The following PTGER4 variants were observed in gnomAD, a reference collection of about 807,000 sequenced individuals.
PTGER4 encodes prostaglandin E receptor 4.
A neutral mutation model predicts 33.2 loss-of-function variants in PTGER4; 11 were observed. The ratio of observed to expected loss-of-function variants is 0.33; its 90% confidence interval spans 0.21 to 0.55. The LOEUF (loss-of-function observed/expected upper bound fraction) is 0.55, where lower values mean the gene tolerates loss of function less well. Ranked by LOEUF, PTGER4 falls within the 20% of genes least tolerant of loss-of-function variation. The pLI is 0.92. For synonymous variants in PTGER4, 275 were observed against 281.5 expected (o/e 0.98, Z 0.23); for missense variants, 481 against 650.2 (o/e 0.74, Z 2.83).
chr5:40,709,507 C>T, the PTGER4 span, among the ~76,000 whole-genome samples: 1 of 152,088 alleles, frequency 6.6e-6, no homozygotes, highest in African/African-American at 2.4e-5. Flanking sequence ...AAGAGAACTA[C>T]AAACCACTGC....
chr5:40,681,617 C>G lies in PTGER4; in HGVS notation c.624C>G (p.Gly208=), dbSNP rs749203328. The G allele has an allele frequency of 4.4e-6, 7 of 1,605,586 alleles. No individual in the cohort carries two copies. In the South Asian group the frequency reaches 7.7e-5, roughly 18 times the overall value. The change falls in exon 2 of 3, where the codon GGC becomes GGG. Residue 208 remains glycine, a synonymous_variant. Coordinates refer to ENST00000302472, the MANE Select transcript of PTGER4 (RefSeq NM_000958.3). The surrounding 1 kb of genome is among the most constrained non-coding windows in gnomAD (Gnocchi z 9.8). ...ATVLCNVLVC[G]ALLRMHRQFM... is the part of the protein sequence containing the mutation. Reference sequence around the variant, plus strand: ...TCCTCTGCAACGTGCTTGTGTGCGGCGCGCTGCTCCGCATGCACCGCCAGT... The same window carrying G: ...TCCTCTGCAACGTGCTTGTGTGCGGGGCGCTGCTCCGCATGCACCGCCAGT...
At chr5:40,716,730 A>G in the PTGER4 span, among the ~76,000 whole-genome samples, 2 of 152,212 alleles carry the variant, frequency 1.3e-5, no homozygotes, top group East Asian at 3.8e-4. Flanking sequence ...AAAAGCCATT[A>G]AAATGGGAGT....
the PTGER4 span, chr5:40,716,102 G>A: frequency 2.0e-6 from 3 of 1,473,558 alleles, no homozygotes; most frequent in South Asian, 2.8e-5. Context: ...AACTTCAAGA[G>A]GCAATCAAAA....
chr5:40,687,245 A>G (rs1289970202), intron 2 of PTGER4, among the ~76,000 whole-genome samples: 2 of 152,030 alleles, frequency 1.3e-5, no homozygotes, highest in Non-Finnish European at 2.9e-5. Flanking sequence ...GGGTTTCTCC[A>G]TGTTAGTCAG....
the PTGER4 span, among the ~76,000 whole-genome samples, chr5:40,725,784 C>CTTTTT: frequency 2.4e-5 from 3 of 126,062 alleles, no homozygotes; most frequent in Admixed American, 8.1e-5. Flanking sequence ...TTCTCTTCAG[C>CTTTTT]TTTTTTTTTT....
the PTGER4 span, among the ~76,000 whole-genome samples, chr5:40,702,646 G>T: frequency 6.6e-6 from 1 of 152,212 alleles, no homozygotes; most frequent in Non-Finnish European, 1.5e-5. Context: ...CCTAAATTCA[G>T]CACTGGACCA....
the PTGER4 span, among the ~76,000 whole-genome samples, chr5:40,702,054 C>T: frequency 6.6e-6 from 1 of 152,178 alleles, no homozygotes; most frequent in Non-Finnish European, 1.5e-5. Flanking sequence ...AAAGGAAAGA[C>T]CTCTAGCAGC....
At chr5:40,712,425 A>T in the PTGER4 span, among the ~76,000 whole-genome samples, 1 of 152,162 alleles carries the variant, frequency 6.6e-6, no homozygotes, top group Non-Finnish European at 1.5e-5. Flanking sequence ...GAACCACTTG[A>T]GACACAGACA....
chr5:40,697,593 AC>A (rs150087806), downstream of PTGER4, among the ~76,000 whole-genome samples: 25,369 of 124,354 alleles, frequency 0.2, 3,045 homozygotes, highest in East Asian at 0.51. Flanking sequence ...CAAAAAAAAA[AC>A]AAAAAAACAA....
the PTGER4 span, among the ~76,000 whole-genome samples, chr5:40,709,894 T>C: frequency 1.3e-5 from 2 of 152,222 alleles, no homozygotes; most frequent in African/African-American, 4.8e-5. Flanking sequence ...TGAAACTGGA[T>C]CCCTTCCTTA....
At chr5:40,701,614 G>T in the PTGER4 span, among the ~76,000 whole-genome samples, 1 of 152,144 alleles carries the variant, frequency 6.6e-6, no homozygotes, top group South Asian at 2.1e-4. Context: ...TATATTTCAG[G>T]ATATCATCTA....
intron 2 of PTGER4, chr5:40,685,472 C>T: frequency 1.0e-6 from 1 of 984,926 alleles, no homozygotes; most frequent in Non-Finnish European, 1.2e-6. Context: ...AAGAGAAATG[C>T]CACAAATTTG....
Position 40,681,929 on chromosome 5 carries a change from T to C in PTGER4, c.867+69T>C. The C allele has an allele frequency of 1.4e-6, 2 of 1,450,238 alleles. No individual in the cohort carries two copies. The highest frequency in any genetic ancestry group is 1.8e-6 in the Non-Finnish European group (2 of 1,098,226). The allele number at this position is 1,450,238 out of a possible 1,614,324, so 89.8% of individuals were successfully genotyped here. A position where few individuals can be genotyped will look rare whatever the true frequency, so the allele number is the denominator to read the frequency against. On this transcript the variant is annotated intron_variant, in intron 2 of 2. Transcript: ENST00000302472. This position sits in a 1 kb window ranked among gnomAD's most constrained non-coding sequence, Gnocchi z 9.8. ...TCCACCTCCCGCGTCCATTCCCCGC[T>C]CCCTGCTTTCCCTCTGAGTCCTTGG...
At chr5:40,732,472 C>CATTT in the PTGER4 span, among the ~76,000 whole-genome samples, 18 of 151,642 alleles carry the variant, frequency 1.2e-4, no homozygotes, top group Admixed American at 2.0e-4. Flanking sequence ...GTATGCCTCC[C>CATTT]ATTTAGTTCT....
chr5:40,723,491 TAAATA>T, the PTGER4 span, among the ~76,000 whole-genome samples: 2 of 143,928 alleles, frequency 1.4e-5, no homozygotes, highest in East Asian at 2.1e-4. Context: ...GTTTAACAAT[TAAATA>T]AAAGCTAACT....
Position 40,692,064 on chromosome 5 carries a change from C to T in PTGER4, c.1153C>T (p.Leu385=). Residue 385 remains leucine (L), a synonymous_variant, in exon 3 of 3, where the codon CTG becomes TTG. Transcript: ENST00000302472. The stretch of plus-strand genomic sequence containing the variant: ...CTCTCGCTCCTTCATCTCCCGGGAG[C>T]TGAAGGAGATCAGCAGTACATCTCA... ...GHSRSFISRE[L]KEISSTSQTL... 1.9e-6 allele frequency: 3 copies of T among 1,614,194 alleles called. No homozygotes were observed. The highest frequency in any genetic ancestry group is 1.1e-5 in the South Asian group (1 of 91,080).
chr5:40,717,190 T>C, the PTGER4 span, among the ~76,000 whole-genome samples: 1 of 145,346 alleles, frequency 6.9e-6, no homozygotes, highest in Admixed American at 7.3e-5. Context: ...GATCACGCCA[T>C]TGCACTCCAG....
the PTGER4 span, chr5:40,714,479 GA>G: frequency 1.3e-4 from 20 of 152,006 alleles, no homozygotes; most frequent in South Asian, 1.2e-3. Flanking sequence ...TCAAAATGCA[GA>G]AAAAAACTAT....
chr5:40,719,856 C>G, the PTGER4 span, among the ~76,000 whole-genome samples: 1 of 152,146 alleles, frequency 6.6e-6, no homozygotes, highest in South Asian at 2.1e-4. Context: ...AATACCTTTT[C>G]AAATCCTTTG....
Sources: gnomAD v4.1 joint callset for allele counts (sites outside exome capture counted in the v4.1 genomes callset) on GRCh38, gnomAD v4.1.1 for gene constraint, Gnocchi (gnomAD v3.1) non-coding constraint, MANE v1.5 for transcripts, NCBI Gene and HGNC (gene_info 2026-07-23, HGNC 2026-07-21) for gene names.